The following CHST8 variants were observed in gnomAD, a reference collection of about 807,000 sequenced individuals.
CHST8 encodes the protein GALNAC-4-ST1.
In CHST8, 10 loss-of-function variants were observed where a neutral mutation model predicts 15.0. That is an observed-to-expected ratio of 0.67 (90% confidence interval 0.41 to 1.13). The LOEUF (loss-of-function observed/expected upper bound fraction) is 1.13, where lower values mean the gene tolerates loss of function less well. CHST8 is among the 50% of genes most tolerant of loss of function. The pLI is 0.00. For missense variants in CHST8, 634 were observed against 608.2 expected (o/e 1.04, Z -0.45); for synonymous variants, 259 against 256.6 (o/e 1.01, Z -0.09).
chr19:33,733,663 T>C (rs1974033115), intron 3 of CHST8, among the ~76,000 whole-genome samples: 1 of 152,240 alleles, frequency 6.6e-6, no homozygotes, highest in Non-Finnish European at 1.5e-5. Context: ...TCAGTTCCAT[T>C]CTGATTTATG....
chr19:33,768,262 A>C (rs1974891539), intron 3 of CHST8, among the ~76,000 whole-genome samples: 1 of 152,084 alleles, frequency 6.6e-6, no homozygotes. Flanking sequence ...TTCCTTCATT[A>C]CGTTTCTTCT....
intron 3 of CHST8, among the ~76,000 whole-genome samples, chr19:33,740,288 C>T (rs538067862): frequency 1.4e-3 from 215 of 152,254 alleles, no homozygotes; most frequent in Middle Eastern, 3.4e-3. Context: ...TCTTCAGTGA[C>T]GCCCAGGGAC....
At chr19:33,635,875 T>A (rs1972189020) in intron 1 of CHST8, among the ~76,000 whole-genome samples, 1 of 152,194 alleles carries the variant, frequency 6.6e-6, no homozygotes, top group East Asian at 1.9e-4. Context: ...GGGACTACAG[T>A]GCATGGACAG....
At chr19:33,645,689 A>T (rs1416295792) in intron 1 of CHST8, among the ~76,000 whole-genome samples, 1 of 152,232 alleles carries the variant, frequency 6.6e-6, no homozygotes, top group African/African-American at 2.4e-5. Context: ...GCAATGGCAG[A>T]TGTTGAATAT....
In CHST8 at chr19:33,745,152, G is replaced by A. The variant is rs149926557; in HGVS notation, c.131-26261G>A. ...CCTGCCCTGGACTCCCAAAGTGTTG[G>A]GATTACAGGTGTGAGCCACAGTGCC... On this transcript the variant is annotated intron_variant, in intron 3 of 4. Coordinates refer to ENST00000650847, the MANE Select transcript of CHST8 (RefSeq NM_001127895.2). Among the ~76,000 whole-genome samples the A allele has an allele frequency of 1.3e-4, 20 of 152,208 alleles. No individual in the cohort carries two copies. The East Asian group carries it at 3.7e-3, about 28-fold the overall frequency.
intron 3 of CHST8, among the ~76,000 whole-genome samples, chr19:33,750,168 C>G (rs1974386675): frequency 6.6e-6 from 1 of 152,192 alleles, no homozygotes; most frequent in Non-Finnish European, 1.5e-5. Context: ...GGGGTGGTGA[C>G]AGCATGAGGT....
chr19:33,755,934 C>T (rs529469388), intron 3 of CHST8, among the ~76,000 whole-genome samples: 9 of 152,274 alleles, frequency 5.9e-5, no homozygotes, highest in Middle Eastern at 3.4e-3. Context: ...AGAGGCTAAG[C>T]AAAGAGTTTG....
intron 1 of CHST8, among the ~76,000 whole-genome samples, chr19:33,667,003 G>A (rs1286599759): frequency 6.6e-6 from 1 of 152,108 alleles, no homozygotes; most frequent in African/African-American, 2.4e-5. Context: ...TTCTGAAAGG[G>A]ACCCCAGGGA....
intron 1 of CHST8, among the ~76,000 whole-genome samples, chr19:33,637,422 A>C (rs919368020): frequency 2.6e-5 from 3 of 114,102 alleles, no homozygotes; most frequent in African/African-American, 6.8e-5. Flanking sequence ...TTTTTTTTTG[A>C]GACGGAGTCT....
chr19:33,692,218 T>C (rs1004210965), intron 3 of CHST8, among the ~76,000 whole-genome samples: 19 of 152,224 alleles, frequency 1.2e-4, no homozygotes, highest in African/African-American at 4.6e-4. Flanking sequence ...AGCTATCCGA[T>C]GCGAAGATGA....
chr19:33,725,597 G>A (rs1001999089), intron 3 of CHST8, among the ~76,000 whole-genome samples: 11 of 152,078 alleles, frequency 7.2e-5, no homozygotes, highest in Non-Finnish European at 1.2e-4. Context: ...CCCCAAATGC[G>A]ACGCAAGCGA....
At chr19:33,636,218 C>T (rs1600228105) in intron 1 of CHST8, among the ~76,000 whole-genome samples, 1 of 152,038 alleles carries the variant, frequency 6.6e-6, no homozygotes, top group East Asian at 1.9e-4. Context: ...CTGTGCATCG[C>T]GCCAATTTAC....
intron 3 of CHST8, among the ~76,000 whole-genome samples, chr19:33,699,756 A>G (rs1973295318): frequency 6.6e-6 from 1 of 152,176 alleles, no homozygotes; most frequent in Admixed American, 6.5e-5. Context: ...CAGGGTTACC[A>G]GGGACACACT....
intron 1 of CHST8, among the ~76,000 whole-genome samples, chr19:33,636,638 C>T (rs1371982999): frequency 1.3e-5 from 2 of 152,298 alleles, no homozygotes; most frequent in South Asian, 4.1e-4. Flanking sequence ...CAGTGGCTCA[C>T]GCCTGTAATC....
chr19:33,735,157 T>G (rs779417858), intron 3 of CHST8, among the ~76,000 whole-genome samples: 1 of 151,936 alleles, frequency 6.6e-6, no homozygotes, highest in Non-Finnish European at 1.5e-5. Flanking sequence ...TGGGGAGAGA[T>G]GGAAGAGAGG....
rs1189463265 is a variant in CHST8, at chr19:33,772,482, G to A, written c.694G>A (p.Ala232Thr). ...GCACAACACCGTCCACTATGGCAGC[G>A]CTCTCAAGCGCCTGGACACCTTCGA... is the stretch of plus-strand genomic sequence containing the variant. ...IQHNTVHYGS[A>T]LKRLDTFDRQ... Residue 232 changes from alanine to threonine, a missense_variant, in exon 5 of 5, where the codon GCT becomes ACT. Transcript: ENST00000650847. 3.1e-6 allele frequency: 5 copies of A among 1,613,380 alleles called. No homozygotes were observed. In the African/African-American group the frequency reaches 5.3e-5, roughly 17 times the overall value.
chr19:33,697,010 A>G (rs1006731656), intron 3 of CHST8, among the ~76,000 whole-genome samples: 57 of 151,412 alleles, frequency 3.8e-4, no homozygotes, highest in African/African-American at 1.3e-3. Context: ...GCCTGGCTAA[A>G]TTTTTTGTAT....
At chr19:33,689,034 A>C in intron 2 of CHST8, 142 bp from the exon 3 acceptor site, 1 of 399,378 alleles carries the variant, frequency 2.5e-6, no homozygotes, top group Non-Finnish European at 4.4e-6. Flanking sequence ...CTGGGTGTGA[A>C]AGGATGGAAA....
chr19:33,739,387 C>T (rs993632110), intron 3 of CHST8, among the ~76,000 whole-genome samples: 11 of 152,188 alleles, frequency 7.2e-5, no homozygotes, highest in African/African-American at 2.4e-4. Context: ...CCTTCCTCCC[C>T]CTTCATCAGG....
Sources: gnomAD v4.1 joint callset for allele counts (sites outside exome capture counted in the v4.1 genomes callset) on GRCh38, gnomAD v4.1.1 for gene constraint, MANE v1.5 for transcripts, NCBI Gene and HGNC (gene_info 2026-07-23, HGNC 2026-07-21) for gene names.